The following CSMD1 variants were observed in gnomAD, a reference collection of about 807,000 sequenced individuals.
CSMD1 encodes the protein CUB and sushi domain-containing protein 1.
Under a neutral mutation model 417.5 loss-of-function variants are expected in CSMD1, and 213 were observed. That is an observed-to-expected ratio of 0.51 (90% CI 0.46 to 0.57). The LOEUF (loss-of-function observed/expected upper bound fraction) is 0.57, where lower values mean the gene tolerates loss of function less well. Among genes scored for constraint, CSMD1 ranks in the 20% least tolerant of loss-of-function variants. The pLI is 0.00. For missense variants in CSMD1, 6,923 were observed against 4,529.7 expected (o/e 1.53, Z -15.17); for synonymous variants, 2,862 against 1,736.8 (o/e 1.65, Z -16.11).
chr8:3,137,951 G>A (rs1027838129), intron 41 of CSMD1, among the ~76,000 whole-genome samples: 9 of 152,162 alleles, frequency 5.9e-5, no homozygotes, highest in Admixed American at 3.3e-4. Context: ...CCGGCTGGGC[G>A]CAGTGGCTCA....
At chr8:4,024,213 A>T (rs953036735) in intron 4 of CSMD1, among the ~76,000 whole-genome samples, 1 of 152,202 alleles carries the variant, frequency 6.6e-6, no homozygotes, top group African/African-American at 2.4e-5. Flanking sequence ...AGACATGGGA[A>T]ACAGAAGTGA....
At chr8:3,209,913 T>G (rs1585663843) in intron 30 of CSMD1, among the ~76,000 whole-genome samples, 1 of 152,108 alleles carries the variant, frequency 6.6e-6, no homozygotes, top group South Asian at 2.1e-4. Context: ...TAAACAAAAC[T>G]AGCAAACAGA....
At chr8:3,265,173 A>G (rs1301821761) in intron 26 of CSMD1, among the ~76,000 whole-genome samples, 1 of 152,216 alleles carries the variant, frequency 6.6e-6, no homozygotes, top group Non-Finnish European at 1.5e-5. Flanking sequence ...CACTCTCACT[A>G]GAACCAATAA....
chr8:4,231,561 G>T (rs1335279248), intron 3 of CSMD1, among the ~76,000 whole-genome samples: 1 of 152,082 alleles, frequency 6.6e-6, no homozygotes, highest in African/African-American at 2.4e-5. Context: ...AATGACAACA[G>T]TTTGCATGTA....
intron 3 of CSMD1, among the ~76,000 whole-genome samples, chr8:4,082,053 T>G (rs989426860): frequency 1.3e-5 from 2 of 152,092 alleles, no homozygotes; most frequent in African/African-American, 4.8e-5. Flanking sequence ...CCAAAGGCAT[T>G]TTAGGGGAAA....
At chr8:3,282,328 T>C (rs1802803508) in intron 26 of CSMD1, among the ~76,000 whole-genome samples, 1 of 152,084 alleles carries the variant, frequency 6.6e-6, no homozygotes, top group Non-Finnish European at 1.5e-5. Flanking sequence ...GGGAACTCTG[T>C]GCCTTCTACT....
chr8:3,610,980 G>A (rs561102080), intron 8 of CSMD1, among the ~76,000 whole-genome samples: 3 of 150,590 alleles, frequency 2.0e-5, no homozygotes, highest in East Asian at 4.0e-4. Flanking sequence ...AAGGTGCAGT[G>A]TCACTTAAAC....
At chr8:3,110,449 T>C (rs1340837095) in intron 42 of CSMD1, 114 bp from the exon 43 acceptor site, 2 of 799,666 alleles carry the variant, frequency 2.5e-6, no homozygotes, top group Non-Finnish European at 3.6e-6. Flanking sequence ...GGGAAATAGG[T>C]GTGAAATATT....
intron 3 of CSMD1, among the ~76,000 whole-genome samples, chr8:4,340,900 A>C (rs80064037): frequency 0.016 from 2,484 of 152,124 alleles, 69 homozygotes; most frequent in African/African-American, 0.057. Flanking sequence ...CCTACAATTT[A>C]AAGTGGGAAC....
rs114812144 is a variant in CSMD1, at chr8:4,651,474, G to A, written c.86-13916C>T. 7.9e-3 allele frequency among the ~76,000 whole-genome samples: 1,195 copies of A among 152,160 alleles called. 14 individuals carry two copies. Among genetic ancestry groups the A allele is most frequent in the African/African-American group, 0.027 (1,112 of 41,514 alleles). On this transcript the variant is annotated intron_variant, in intron 1 of 69. Transcript: ENST00000635120. The stretch of plus-strand genomic sequence containing the variant: ...GATTATAGTCATATACTGGTGGGGG[G>A]AGGAATTGAACAAACACAAGCGGAT...
chr8:4,348,049 T>C (rs540414464), intron 3 of CSMD1, among the ~76,000 whole-genome samples: 3 of 152,138 alleles, frequency 2.0e-5, no homozygotes, highest in East Asian at 1.9e-4. Context: ...AGTTACAACA[T>C]ACTCCAAAAT....
At chr8:4,708,210 A>G (rs1026038578) in intron 1 of CSMD1, among the ~76,000 whole-genome samples, 4 of 152,100 alleles carry the variant, frequency 2.6e-5, no homozygotes, top group African/African-American at 4.8e-5. Context: ...TGGGCCTTCT[A>G]AAGTGCTGAG....
chr8:4,986,841 A>C (rs879407394), intron 1 of CSMD1, among the ~76,000 whole-genome samples: 10 of 152,190 alleles, frequency 6.6e-5, no homozygotes, highest in African/African-American at 1.2e-4. Flanking sequence ...TCTTCATGAA[A>C]TCAGTGTGAG....
chr8:3,414,908 C>T (rs899436989), intron 12 of CSMD1, among the ~76,000 whole-genome samples: 3 of 152,254 alleles, frequency 2.0e-5, no homozygotes, highest in South Asian at 2.1e-4. Context: ...CTACGTGTCT[C>T]TAGCACCACT....
Position 4,920,779 on chromosome 8 carries a change from T to C in CSMD1, c.85+73553A>G, listed in dbSNP as rs28632149. On this transcript the variant is annotated intron_variant, in intron 1 of 69. Coordinates refer to ENST00000635120, the MANE Select transcript of CSMD1 (RefSeq NM_033225.6). ...CAGAGGTTGCACCAAGCCAAGATTG[T>C]GCCATTGCGGTCCAGCCTGGGCAAC... 4.8e-3 allele frequency among the ~76,000 whole-genome samples: 717 copies of C among 150,456 alleles called. 8 individuals are homozygous for C. Among genetic ancestry groups the C allele is most frequent in the African/African-American group, 0.017 (674 of 40,542 alleles).
intron 3 of CSMD1, among the ~76,000 whole-genome samples, chr8:4,232,582 C>G (rs556916547): frequency 1.3e-5 from 2 of 152,270 alleles, no homozygotes; most frequent in East Asian, 3.9e-4. Context: ...ATGTGAATGA[C>G]TCTTGTGATC....
At chr8:3,037,244 G>C (rs937300267) in intron 50 of CSMD1, among the ~76,000 whole-genome samples, 11 of 92,632 alleles carry the variant, frequency 1.2e-4, no homozygotes, top group South Asian at 1.1e-3. Context: ...CTCGCTCTGT[G>C]GCCCAGGCTG....
chr8:4,030,935 G>C (rs1026668853), intron 4 of CSMD1, among the ~76,000 whole-genome samples: 10 of 152,152 alleles, frequency 6.6e-5, no homozygotes, highest in African/African-American at 1.9e-4. Flanking sequence ...AATGCCATCA[G>C]TCTTTTTGCT....
At chr8:3,201,254 C>A (rs17079617) in intron 32 of CSMD1, among the ~76,000 whole-genome samples, 3,338 of 152,222 alleles carry the variant, frequency 0.022, 115 homozygotes, top group African/African-American at 0.075. Flanking sequence ...ATGCTTTAGA[C>A]CGAAATGTTA....
Sources: allele counts gnomAD v4.1 joint callset (sites outside exome capture counted in the v4.1 genomes callset), GRCh38; gene constraint gnomAD v4.1.1; transcripts MANE v1.5; gene names NCBI Gene and HGNC (gene_info 2026-07-23, HGNC 2026-07-21).